MSRA: variants seen among roughly 807,000 people sequenced by gnomAD.
MSRA encodes methionine sulfoxide reductase A, also known as mitochondrial peptide methionine sulfoxide reductase.
In MSRA, 54 loss-of-function variants were observed where a neutral mutation model predicts 31.3. The ratio of observed to expected loss-of-function variants is 1.73; its 90% CI spans 1.39 to 2.17. The LOEUF (loss-of-function observed/expected upper bound fraction) is 2.17, where lower values mean the gene tolerates loss of function less well. Ranked by LOEUF, MSRA falls within the 30% of genes most tolerant of loss-of-function variation. The pLI, the probability that MSRA is intolerant of heterozygous loss-of-function variation, is 0.00. For synonymous variants in MSRA, 169 were observed against 116.5 expected, an observed-to-expected ratio of 1.45 and a Z score of -2.90; for missense variants, 507 against 300.9, an observed-to-expected ratio of 1.69 and a Z score of -5.07.
Position 10,428,643 on chromosome 8 carries a change from C to A in MSRA, c.*331C>A. 3.3e-6 allele frequency: 1 copy of A among 303,234 alleles called. No homozygotes were observed. The highest frequency in any genetic ancestry group is 6.1e-6 in the Non-Finnish European group (1 of 163,598). 18.8% of individuals were successfully genotyped at this position (303,234 alleles called of 1,614,324 possible). A position where few individuals can be genotyped will look rare whatever the true frequency, so the allele number is the denominator to read the frequency against. On this transcript the variant is annotated 3_prime_UTR_variant, in exon 6 of 6. Coordinates refer to ENST00000317173, the MANE Select transcript of MSRA (RefSeq NM_012331.5). ...AGGTTGCTGGACAGGATGGGGGACC[C>A]CAGAAGTCCTTTATCTGTGCTCTCT...
At chr8:10,301,243 T>C (rs187785070) in intron 3 of MSRA, among the ~76,000 whole-genome samples, 2 of 152,308 alleles carry the variant, frequency 1.3e-5, no homozygotes, top group African/African-American at 4.8e-5. Context: ...TGAGTGAGCT[T>C]AGAAACCTGA....
intron 3 of MSRA, among the ~76,000 whole-genome samples, chr8:10,258,789 C>T (rs2975689): frequency 0.97 from 148,128 of 152,306 alleles, 72,149 homozygotes; most frequent in East Asian, 1. Context: ...CAGAGGGCTG[C>T]CAGTTATCTA....
At chr8:10,269,539 G>C (rs1057200927) in intron 3 of MSRA, among the ~76,000 whole-genome samples, 7 of 152,266 alleles carry the variant, frequency 4.6e-5, no homozygotes, top group Non-Finnish European at 1.0e-4. Context: ...CCTACAGAGA[G>C]CCGGCAGGGC....
intron 5 of MSRA, among the ~76,000 whole-genome samples, chr8:10,383,835 A>G (rs756821900): frequency 2.6e-4 from 39 of 152,066 alleles, no homozygotes; most frequent in Non-Finnish European, 5.9e-5. Context: ...CTTCTGCTTC[A>G]CTTGAGCACA....
At chr8:10,243,810 C>T (rs1042877354) in intron 2 of MSRA, among the ~76,000 whole-genome samples, 1 of 152,022 alleles carries the variant, frequency 6.6e-6, no homozygotes, top group East Asian at 1.9e-4. Flanking sequence ...TTTACTTTAG[C>T]CTTAGGTAAT....
intron 5 of MSRA, among the ~76,000 whole-genome samples, chr8:10,426,240 C>G (rs1387390181): frequency 6.6e-6 from 1 of 152,158 alleles, no homozygotes; most frequent in Non-Finnish European, 1.5e-5. Flanking sequence ...GAGCCAAATG[C>G]TGTGTGAGCT....
At chr8:10,119,362 T>G (rs1230741721) in intron 1 of MSRA, among the ~76,000 whole-genome samples, 1 of 152,200 alleles carries the variant, frequency 6.6e-6, no homozygotes, top group East Asian at 1.9e-4. Flanking sequence ...TGAATCTTCT[T>G]GGAGTCACAT....
intron 5 of MSRA, among the ~76,000 whole-genome samples, chr8:10,363,079 T>C (rs1430257107): frequency 6.6e-6 from 1 of 152,240 alleles, no homozygotes; most frequent in African/African-American, 2.4e-5. Context: ...ATTTGGTGGT[T>C]GGTGAGCAAA....
chr8:10,233,211 C>A (rs555285157), intron 2 of MSRA, among the ~76,000 whole-genome samples: 2 of 152,210 alleles, frequency 1.3e-5, no homozygotes. Flanking sequence ...CAGCAGGGAA[C>A]CCTGGAAACT....
At chr8:10,130,109 T>G (rs1801790539) in intron 1 of MSRA, among the ~76,000 whole-genome samples, 1 of 152,162 alleles carries the variant, frequency 6.6e-6, no homozygotes, top group East Asian at 1.9e-4. Context: ...GGAGTGCTAT[T>G]GGATGTATCA....
intron 5 of MSRA, among the ~76,000 whole-genome samples, chr8:10,330,633 A>G (rs1802641029): frequency 6.6e-6 from 1 of 152,256 alleles, no homozygotes; most frequent in Non-Finnish European, 1.5e-5. Context: ...ATACAGTCAC[A>G]GAAGCTCACA....
At chr8:10,348,381 T>C in intron 5 of MSRA, among the ~76,000 whole-genome samples, 1 of 123,812 alleles carries the variant, frequency 8.1e-6, no homozygotes, top group Non-Finnish European at 1.8e-5. Flanking sequence ...TTTTTTTTTT[T>C]TGGACAGAGT....
At chr8:10,411,865 T>C (rs7817793) in intron 5 of MSRA, among the ~76,000 whole-genome samples, 7,930 of 150,748 alleles carry the variant, frequency 0.053, 552 homozygotes, top group African/African-American at 0.16. Flanking sequence ...GTAGTCATAT[T>C]CCAGTTAAGC....
intron 1 of MSRA, among the ~76,000 whole-genome samples, chr8:10,106,887 C>T (rs1160036111): frequency 6.6e-6 from 1 of 151,872 alleles, no homozygotes; most frequent in Non-Finnish European, 1.5e-5. Context: ...CCCTTCCCTC[C>T]ACCCGCCTAC....
intron 5 of MSRA, chr8:10,336,845 C>G (rs1052912800): frequency 6.6e-6 from 1 of 152,094 alleles, no homozygotes; most frequent in African/African-American, 2.4e-5. Flanking sequence ...TTGTCTAGAC[C>G]CAACGTTTGC....
intron 1 of MSRA, among the ~76,000 whole-genome samples, chr8:10,098,088 T>C (rs1436715067): frequency 6.6e-6 from 1 of 152,164 alleles, no homozygotes; most frequent in Non-Finnish European, 1.5e-5. Flanking sequence ...TAAAAAGACA[T>C]TTAGTTGTAA....
chr8:10,349,297 A>C lies in MSRA; in HGVS notation c.543+29308A>C, dbSNP rs189012922. 1.3e-3 allele frequency among the ~76,000 whole-genome samples: 191 copies of C among 152,236 alleles called. 1 individual carries two copies. The highest frequency in any genetic ancestry group is 1.1e-3 in the Non-Finnish European group (77 of 68,012). Reference sequence around the variant, plus strand: ...AACCATTTCAAACAGTTTTAATGGCAATCTGTGCTTCCAATGCAGTGAACT... The same window carrying C: ...AACCATTTCAAACAGTTTTAATGGCCATCTGTGCTTCCAATGCAGTGAACT... On this transcript the variant is annotated intron_variant, in intron 5 of 5. Transcript: ENST00000317173.
intron 1 of MSRA, among the ~76,000 whole-genome samples, chr8:10,056,959 A>G (rs1231235648): frequency 6.6e-6 from 1 of 152,160 alleles, no homozygotes; most frequent in Non-Finnish European, 1.5e-5. Context: ...GTGTACCATT[A>G]CCAAATACTT....
chr8:10,092,233 G>C (rs1018742734), intron 1 of MSRA, among the ~76,000 whole-genome samples: 1 of 150,848 alleles, frequency 6.6e-6, no homozygotes, highest in African/African-American at 2.4e-5. Flanking sequence ...TCTTTTTTTG[G>C]TCTGTATTGA....
Sources: allele counts gnomAD v4.1 joint callset (sites outside exome capture counted in the v4.1 genomes callset), GRCh38; gene constraint gnomAD v4.1.1; transcripts MANE v1.5; gene names NCBI Gene and HGNC (gene_info 2026-07-23, HGNC 2026-07-21).